Variants in LRGUK observed in about 807,000 individuals in gnomAD.
The protein encoded by LRGUK is leucine-rich repeat and guanylate kinase domain-containing protein.
A neutral mutation model predicts 76.0 loss-of-function variants in LRGUK; 65 were observed. The observed-to-expected ratio is 0.85, with a 90% CI of 0.70 to 1.05. The LOEUF is 1.05. LRGUK is among the 50% of genes least tolerant of loss of function. LRGUK has a pLI of 0.00. For missense variants in LRGUK, 758 were observed against 732.8 expected (o/e 1.03, Z -0.40); for synonymous variants, 268 against 265.6 (o/e 1.01, Z -0.09).
chr7:134,180,136 G>A (rs1799675981), intron 10 of LRGUK, among the ~76,000 whole-genome samples: 1 of 152,178 alleles, frequency 6.6e-6, no homozygotes, highest in African/African-American at 2.4e-5. Context: ...TCTGGAATCA[G>A]CCTTTTCTGC....
chr7:134,236,515 A>G (rs967311783), intron 16 of LRGUK, among the ~76,000 whole-genome samples: 1 of 152,200 alleles, frequency 6.6e-6, no homozygotes, highest in African/African-American at 2.4e-5. Flanking sequence ...GGTGCCATTC[A>G]TCATGTTCTT....
intron 15 of LRGUK, among the ~76,000 whole-genome samples, chr7:134,221,454 T>C (rs2117153661): frequency 6.6e-6 from 1 of 152,298 alleles, no homozygotes; most frequent in Middle Eastern, 3.4e-3. Context: ...AAATGAAAAG[T>C]CATTATAAGG....
chr7:134,141,129 G>T (rs1015556208), intron 3 of LRGUK, among the ~76,000 whole-genome samples: 2 of 152,166 alleles, frequency 1.3e-5, no homozygotes, highest in Admixed American at 1.3e-4. Context: ...TCTTCAGCCC[G>T]ATCAGTCCTC....
chr7:134,269,552 G>C (rs553975027), downstream of LRGUK, among the ~76,000 whole-genome samples: 26 of 151,898 alleles, frequency 1.7e-4, no homozygotes, highest in Non-Finnish European at 3.5e-4. Context: ...GTCTCACCAT[G>C]TTGTCCAGGT....
rs757193553 is a variant in LRGUK, at chr7:134,191,604, T to C, written c.1335-51T>C. Reference sequence around the variant, plus strand: ...ATAATTTATATTGAAACCTTTTCCATTTTGAATTTCAAGTTAGAAATGGAC... The same window carrying C: ...ATAATTTATATTGAAACCTTTTCCACTTTGAATTTCAAGTTAGAAATGGAC... On this transcript the variant is annotated intron_variant, in intron 11 of 15. Transcript: ENST00000645682. The C allele has an allele frequency of 3.3e-6, 4 of 1,202,422 alleles. No individual in the cohort carries two copies. The South Asian group carries it at 5.3e-5, about 16-fold the overall frequency. 74.5% of individuals were successfully genotyped at this position (1,202,422 alleles called of 1,614,324 possible).
intron 7 of LRGUK, among the ~76,000 whole-genome samples, chr7:134,174,203 G>A (rs1347937206): frequency 6.6e-6 from 1 of 152,014 alleles, no homozygotes; most frequent in African/African-American, 2.4e-5. Flanking sequence ...GCTAGGAATG[G>A]CGGTGGGGTG....
chr7:134,190,624 T>G (rs755527244), intron 11 of LRGUK, among the ~76,000 whole-genome samples: 1 of 152,232 alleles, frequency 6.6e-6, no homozygotes, highest in Non-Finnish European at 1.5e-5. Flanking sequence ...GACCACCATA[T>G]TCTTGTAGGA....
At chr7:134,263,817 ACTAT>A in intron 19 of LRGUK, 24 bp from the exon 20 acceptor site, 1 of 1,587,860 alleles carries the variant, frequency 6.3e-7, no homozygotes, top group Non-Finnish European at 8.6e-7. Context: ...CAAGGGATTA[ACTAT>A]CTTTTTTTCT....
intron 12 of LRGUK, among the ~76,000 whole-genome samples, chr7:134,193,833 A>G (rs891788741): frequency 2.2e-4 from 33 of 152,076 alleles, no homozygotes; most frequent in Admixed American, 2.6e-4. Flanking sequence ...CCTCCATTAC[A>G]GCAGGCCCAC....
intron 18 of LRGUK, among the ~76,000 whole-genome samples, chr7:134,256,658 C>A (rs910100219): frequency 6.6e-6 from 1 of 152,108 alleles, no homozygotes; most frequent in Non-Finnish European, 1.5e-5. Flanking sequence ...TCTCCTTCCT[C>A]CCCTCCAGTT....
At chr7:134,236,689 A>G (rs1438134175) in intron 16 of LRGUK, among the ~76,000 whole-genome samples, 1 of 152,182 alleles carries the variant, frequency 6.6e-6, no homozygotes, top group Non-Finnish European at 1.5e-5. Flanking sequence ...GAAGTTTCCT[A>G]CACCCATAGG....
At chr7:134,135,900 C>T (rs1041467819) in intron 1 of LRGUK, among the ~76,000 whole-genome samples, 1 of 152,212 alleles carries the variant, frequency 6.6e-6, no homozygotes, top group Admixed American at 6.5e-5. Context: ...TTGCGAACCG[C>T]CCACCTTGGC....
chr7:134,147,339 G>A (rs759674746), intron 4 of LRGUK, among the ~76,000 whole-genome samples: 29 of 151,784 alleles, frequency 1.9e-4, no homozygotes, highest in Admixed American at 1.3e-4. Flanking sequence ...GAAGGCTGAG[G>A]CAGGAGAATT....
intron 3 of LRGUK, among the ~76,000 whole-genome samples, 192 bp from the exon 4 acceptor site, chr7:134,142,870 G>T (rs77174033): frequency 6.6e-6 from 1 of 152,138 alleles, no homozygotes; most frequent in Non-Finnish European, 1.5e-5. Flanking sequence ...TATTGACTCC[G>T]AGAGTTTTCT....
At chr7:134,225,066 A>C (rs1801700971) in intron 16 of LRGUK, among the ~76,000 whole-genome samples, 1 of 151,584 alleles carries the variant, frequency 6.6e-6, no homozygotes, top group South Asian at 2.1e-4. Flanking sequence ...AAGAAAAAAA[A>C]AAAAGTGTTG....
intron 15 of LRGUK, 96 bp from the exon 16 acceptor site, chr7:134,221,683 G>A: frequency 1.1e-6 from 1 of 922,240 alleles, no homozygotes; most frequent in East Asian, 3.1e-5. Context: ...TATCCAGCTT[G>A]TTATGTTTGG....
chr7:134,193,236 T>G (rs1407627619), intron 12 of LRGUK, among the ~76,000 whole-genome samples: 1 of 152,224 alleles, frequency 6.6e-6, no homozygotes, highest in Non-Finnish European at 1.5e-5. Context: ...TTTAATTGAT[T>G]AAGAGTACTC....
chr7:134,177,050 A>G, exon 9 of LRGUK: 2 of 1,594,842 alleles, frequency 1.3e-6, no homozygotes, highest in Non-Finnish European at 1.7e-6. Context: ...AAGAAGATTA[A>G]AGTGGAAGAA....
intron 16 of LRGUK, among the ~76,000 whole-genome samples, chr7:134,242,723 T>C (rs1395318382): frequency 6.6e-6 from 1 of 152,180 alleles, no homozygotes; most frequent in African/African-American, 2.4e-5. Context: ...ATCATCCTGA[T>C]ACTAAAGCCT....
Sources: allele counts gnomAD v4.1 joint callset (sites outside exome capture counted in the v4.1 genomes callset), GRCh38; gene constraint gnomAD v4.1.1; transcripts MANE v1.5; gene names NCBI Gene and HGNC (gene_info 2026-07-23, HGNC 2026-07-21).